The following APMAP variants were observed in gnomAD, a reference collection of about 807,000 sequenced individuals.
APMAP encodes adipocyte plasma membrane associated protein, also known as adipocyte plasma membrane-associated protein.
In APMAP, 33 loss-of-function variants were observed where a neutral mutation model predicts 43.6. The ratio of observed to expected loss-of-function variants is 0.76; its 90% CI spans 0.57 to 1.01. The LOEUF (loss-of-function observed/expected upper bound fraction) is 1.01. Ranked by LOEUF, APMAP falls within the 50% of genes least tolerant of loss-of-function variation. APMAP has a pLI of 0.00. For missense variants in APMAP, 498 were observed against 540.7 expected (o/e 0.92, Z 0.78); for synonymous variants, 224 against 216.7 (o/e 1.03, Z -0.30).
chr20:24,980,621 A>G, intron 2 of APMAP, among the ~76,000 whole-genome samples: 1 of 151,806 alleles, frequency 6.6e-6, no homozygotes, highest in African/African-American at 2.4e-5. Flanking sequence ...GTGCAGGGCC[A>G]CCACAGTCAA....
rs77184798 is a variant in APMAP, at chr20:24,968,572, G to A, written c.1041+320C>T. Among the ~76,000 whole-genome samples the A allele has an allele frequency of 4.2e-4, 64 of 152,162 alleles. No homozygotes were observed. The East Asian group carries it at 0.011, about 26-fold the overall frequency. ...ATGGAGGAGCAAGACTGACAGGCAC[G>A]CAGATGCCCAGAGCCACGATGGTGA... is the stretch of plus-strand genomic sequence containing the variant. On this transcript the variant is annotated intron_variant, in intron 8 of 8. Transcript: ENST00000217456.
intron 8 of APMAP, among the ~76,000 whole-genome samples, chr20:24,965,375 T>A (rs891580751): frequency 3.3e-5 from 5 of 152,258 alleles, no homozygotes; most frequent in African/African-American, 1.2e-4. Context: ...GTAGCTGCAG[T>A]TCTCTTTAAA....
At chr20:24,978,741 C>A (rs777116542) in intron 3 of APMAP, 26 bp downstream of exon 3, 2 of 1,043,730 alleles carry the variant, frequency 1.9e-6, no homozygotes, top group Non-Finnish European at 2.8e-6. Flanking sequence ...CTGGAAGGCT[C>A]CCCCCCCACC....
At chr20:24,979,415 C>T (rs1026862386) in intron 2 of APMAP, among the ~76,000 whole-genome samples, 1 of 152,218 alleles carries the variant, frequency 6.6e-6, no homozygotes, top group African/African-American at 2.4e-5. Context: ...GCCCACCAGG[C>T]TCTTCCTGAA....
intron 1 of APMAP, among the ~76,000 whole-genome samples, chr20:24,988,863 G>C (rs2088169060): frequency 1.3e-5 from 2 of 152,196 alleles, no homozygotes; most frequent in African/African-American, 4.8e-5. Flanking sequence ...CTGTCCAATA[G>C]AACTTTCTGC....
chr20:24,965,791 C>A (rs1858593132), intron 8 of APMAP, among the ~76,000 whole-genome samples: 2 of 152,200 alleles, frequency 1.3e-5, no homozygotes, highest in South Asian at 4.1e-4. Flanking sequence ...GTCACATGCA[C>A]AGAAAATGGT....
chr20:24,974,583 CTA>C (rs1471648871), intron 3 of APMAP, among the ~76,000 whole-genome samples: 1 of 152,142 alleles, frequency 6.6e-6, no homozygotes, highest in Non-Finnish European at 1.5e-5. Context: ...AGACCCAACT[CTA>C]TGTTGTGTAC....
rs765593779 is a variant in APMAP, at chr20:24,970,281, C to T, written c.629G>A (p.Arg210Lys). Residue 210 changes from arginine (R) to lysine (K), a missense_variant, in exon 6 of 9, where the codon AGG (arginine) becomes AAG (lysine). By Grantham distance (26) the Arg-to-Lys change is conservative. Coordinates refer to ENST00000217456, the MANE Select transcript of APMAP (RefSeq NM_020531.3). Reference protein sequence around the residue: ...VNDLTVTQDGRKIYFTDSSSK... With the variant: ...VNDLTVTQDGKKIYFTDSSSK... ...GCTAGAATCGGTGAAATAAATCTTC[C>T]TCCCATCCTGAGTGACTGTAAGATC... 6.2e-7 allele frequency: 1 copy of T among 1,614,110 alleles called. No homozygotes were observed. Among genetic ancestry groups the T allele is most frequent in the South Asian group, 1.1e-5 (1 of 91,080 alleles).
At position 24,963,870 on chromosome 20, in the gene APMAP, C is replaced by A. The variant is rs148619824; in HGVS notation, c.1194G>T (p.Leu398=). Residue 398 remains leucine, a synonymous_variant, in exon 9 of 9, where the codon CTG becomes CTT. Transcript: ENST00000217456. ...AGGGGGACCTGAAAGAGCCCAGGTA[C>A]AGGTGCCCATCGTGTTCGTGCACCT... ...ISEVHEHDGH[L]YLGSFRSPFL... 3.0e-4 allele frequency: 492 copies of A among 1,614,240 alleles called. 4 individuals carry two copies. The Middle Eastern group carries it at 3.5e-3, about 11-fold the overall frequency.
Position 24,963,920 on chromosome 20 carries a change from CATCGGG to C in APMAP, c.1138_1143del (p.Pro380_Asp381del). 1 of 1,614,220 alleles carries C rather than the reference CATCGGG, an allele frequency of 6.2e-7. No homozygotes were observed. The highest frequency in any genetic ancestry group is 8.5e-7 in the Non-Finnish European group (1 of 1,180,048). On this transcript the variant is annotated inframe_deletion, in exon 9 of 9. Coordinates refer to ENST00000217456, the MANE Select transcript of APMAP (RefSeq NM_020531.3). Reference sequence around the variant, plus strand: ...TCGCTGATGTAGGTGGCCACCAGCCCATCGGGATCATGCAGGCTTCTCCGGAAGGCA... The same window carrying C: ...TCGCTGATGTAGGTGGCCACCAGCCCATCATGCAGGCTTCTCCGGAAGGCA...
intron 5 of APMAP, 99 bp downstream of exon 5, chr20:24,971,361 A>C (rs554092832): frequency 9.5e-6 from 10 of 1,054,050 alleles, no homozygotes; most frequent in Non-Finnish European, 1.4e-5. Flanking sequence ...CAGAGTCTTT[A>C]GTAGACTGTT....
intron 1 of APMAP, among the ~76,000 whole-genome samples, chr20:24,990,585 G>A (rs1186288449): frequency 6.6e-6 from 1 of 152,194 alleles, no homozygotes; most frequent in Non-Finnish European, 1.5e-5. Context: ...CACATCTAAA[G>A]TGCTAAAGTT....
chr20:24,966,392 T>C (rs973841010), intron 8 of APMAP, among the ~76,000 whole-genome samples: 2 of 152,116 alleles, frequency 1.3e-5, no homozygotes, highest in Non-Finnish European at 1.5e-5. Context: ...ACTCAGTAAT[T>C]AGACATGAAA....
intron 5 of APMAP, among the ~76,000 whole-genome samples, chr20:24,971,182 T>TA (rs1384334333): frequency 6.6e-6 from 1 of 152,182 alleles, no homozygotes; most frequent in Admixed American, 6.5e-5. Flanking sequence ...GAAAGAGGTC[T>TA]AACTTCCTCA....
chr20:24,989,834 A>C (rs969435833), intron 1 of APMAP, among the ~76,000 whole-genome samples: 2 of 152,184 alleles, frequency 1.3e-5, no homozygotes, highest in South Asian at 2.1e-4. Context: ...GAATTCGTGA[A>C]TGCCCAATCT....
Position 24,970,264 on chromosome 20 carries a change from C to G in APMAP, c.646G>C (p.Asp216His), listed in dbSNP as rs149459666. 3.1e-6 allele frequency: 5 copies of G among 1,614,140 alleles called. No homozygotes were observed. The highest frequency in any genetic ancestry group is 3.4e-6 in the Non-Finnish European group (4 of 1,180,032). The part of the protein sequence containing the change: ...TQDGRKIYFT[D>H]SSSKWQRRDY... ...CGTCTTTGCCATTTGCTGCTAGAAT[C>G]GGTGAAATAAATCTTCCTCCCATCC... The change falls in exon 6 of 9, where the codon GAT becomes CAT. Residue 216 changes from aspartate (D) to histidine (H), a missense_variant. Physicochemically the swap from Asp to His is moderately conservative, Grantham distance 81 (BLOSUM62 -1). Transcript: ENST00000217456.
Position 24,963,937 on chromosome 20 carries a change from C to A in APMAP, c.1127G>T (p.Ser376Ile), listed in dbSNP as rs1025159947. ...CACCAGCCCATCGGGATCATGCAGGCTTCTCCGGAAGGCACCGCTGTCGCT... is the reference window on the plus strand; with the variant it reads ...CACCAGCCCATCGGGATCATGCAGGATTCTCCGGAAGGCACCGCTGTCGCT... ...ELSDSGAFRRSLHDPDGLVAT... is the reference protein window; with the variant it reads ...ELSDSGAFRRILHDPDGLVAT... Residue 376 changes from serine (S) to isoleucine (I), a missense_variant, in exon 9 of 9, where the codon AGC (serine) becomes ATC (isoleucine). By Grantham distance (142) the Ser-to-Ile change is moderately radical. Coordinates refer to ENST00000217456, the MANE Select transcript of APMAP (RefSeq NM_020531.3). 1.9e-6 allele frequency: 3 copies of A among 1,614,248 alleles called. No individual in the cohort carries two copies. The highest frequency in any genetic ancestry group is 2.2e-5 in the East Asian group (1 of 44,890).
intron 1 of APMAP, 79 bp from the exon 2 acceptor site, chr20:24,984,098 G>T: frequency 8.9e-7 from 1 of 1,117,938 alleles, no homozygotes; most frequent in Non-Finnish European, 1.3e-6. Flanking sequence ...AAGCCCTCCC[G>T]GCAGGAGCAG....
chr20:24,968,983 C>G lies in APMAP; in HGVS notation c.950G>C (p.Trp317Ser). The G allele has an allele frequency of 6.2e-7, 1 of 1,614,100 alleles. No individual in the cohort carries two copies. Among genetic ancestry groups the G allele is most frequent in the Non-Finnish European group, 8.5e-7 (1 of 1,180,018 alleles). The change falls in exon 8 of 9, where the codon TGG becomes TCG. Residue 317 changes from tryptophan to serine, a missense_variant. Physicochemically the swap from Trp to Ser is radical, Grantham distance 177. Coordinates refer to ENST00000217456, the MANE Select transcript of APMAP (RefSeq NM_020531.3). ...NIRPSSSGGY[W>S]VGMSTIRPNP... Reference sequence around the variant, plus strand: ...AGGGCGGATGGTCGACATGCCCACCCAGTACCCCCCAGAGCTGCTGGGCCG... The same window carrying G: ...AGGGCGGATGGTCGACATGCCCACCGAGTACCCCCCAGAGCTGCTGGGCCG...
Sources: allele counts gnomAD v4.1 joint callset (sites outside exome capture counted in the v4.1 genomes callset), GRCh38; gene constraint gnomAD v4.1.1; transcripts MANE v1.5; gene names NCBI Gene and HGNC (gene_info 2026-07-23, HGNC 2026-07-21).